Variants in ELL2 observed in about 807,000 individuals in gnomAD.
ELL2 encodes RNA polymerase II elongation factor ELL2.
In ELL2, 21 loss-of-function variants were observed where a neutral mutation model predicts 72.8. That is an observed-to-expected ratio of 0.29 (90% CI 0.20 to 0.42). The LOEUF (loss-of-function observed/expected upper bound fraction) is 0.42. Ranked by LOEUF, ELL2 falls within the 10% of genes least tolerant of loss-of-function variation. The probability of loss-of-function intolerance (pLI) is 1.00; values close to 1 mark genes in which losing one functional copy is unlikely to be tolerated. For missense variants in ELL2, 568 were observed against 772.8 expected (o/e 0.73, Z 3.14); for synonymous variants, 266 against 283.2 (o/e 0.94, Z 0.61).
In ELL2 at chr5:95,958,448, A is replaced by G. The variant is rs576141049; in HGVS notation, c.147+3127T>C. 1.1e-4 allele frequency among the ~76,000 whole-genome samples: 17 copies of G among 152,342 alleles called. No individual in the cohort carries two copies. In the South Asian group the frequency reaches 3.5e-3, roughly 32 times the overall value. ...GCACTGAGGACACACAGGTGGGTGGAGCCTGCAGTAAGTACCAACGGTACA... is the reference window on the plus strand; with the variant it reads ...GCACTGAGGACACACAGGTGGGTGGGGCCTGCAGTAAGTACCAACGGTACA... On this transcript the variant is annotated intron_variant, in intron 1 of 11. Coordinates refer to ENST00000237853, the MANE Select transcript of ELL2 (RefSeq NM_012081.6).
At chr5:95,892,608 G>A (rs1374727095) in intron 9 of ELL2, among the ~76,000 whole-genome samples, 1 of 152,176 alleles carries the variant, frequency 6.6e-6, no homozygotes, top group Non-Finnish European at 1.5e-5. Flanking sequence ...GCAGGTGGCA[G>A]GAGATTCAGG....
At chr5:95,901,213 A>G in intron 5 of ELL2, 133 bp from the exon 6 acceptor site, 1 of 904,054 alleles carries the variant, frequency 1.1e-6, no homozygotes, top group Non-Finnish European at 1.6e-6. Flanking sequence ...GTTTTGTATT[A>G]TATGCCAGAT....
intron 2 of ELL2, among the ~76,000 whole-genome samples, chr5:95,928,671 A>G (rs1448744061): frequency 6.6e-6 from 1 of 152,168 alleles, no homozygotes; most frequent in South Asian, 2.1e-4. Flanking sequence ...TTGGCTCAGT[A>G]TTACCTTTTG....
chr5:95,937,540 G>A (rs183405938), intron 2 of ELL2, among the ~76,000 whole-genome samples: 49 of 151,352 alleles, frequency 3.2e-4, no homozygotes, highest in African/African-American at 1.2e-3. Context: ...TGTTGTGTGT[G>A]TGTATATATA....
intron 2 of ELL2, among the ~76,000 whole-genome samples, chr5:95,922,103 G>A (rs144423345): frequency 0.034 from 5,048 of 150,556 alleles, 140 homozygotes; most frequent in Admixed American, 0.074. Flanking sequence ...TCTCTCTGTC[G>A]CCCAGGCTGG....
intron 8 of ELL2, 60 bp from the exon 9 acceptor site, chr5:95,895,751 G>A: frequency 7.8e-7 from 1 of 1,290,242 alleles, no homozygotes; most frequent in Non-Finnish European, 1.1e-6. Flanking sequence ...TCAAATGCCT[G>A]TAATTCTAAA....
chr5:95,894,779 C>A (rs561576574), intron 9 of ELL2, among the ~76,000 whole-genome samples: 54 of 152,266 alleles, frequency 3.5e-4, no homozygotes, highest in African/African-American at 1.3e-3. Context: ...GATCTTTACT[C>A]TGGAAATGAA....
chr5:95,906,521 A>G lies in ELL2; in HGVS notation c.741+2T>C. 6.2e-7 allele frequency: 1 copy of G among 1,608,418 alleles called. No homozygotes were observed. The highest frequency in any genetic ancestry group is 8.5e-7 in the Non-Finnish European group (1 of 1,175,536). The stretch of plus-strand genomic sequence containing the variant: ...GAAGGACCTCTCTCCAGCTGTCCTC[A>G]CCTGTTGCAGAATTGCTCCCAGGGA... On this transcript the variant is annotated splice_donor_variant, in intron 5 of 11. Transcript: ENST00000237853. LOFTEE classifies it high-confidence loss of function.
intron 8 of ELL2, among the ~76,000 whole-genome samples, chr5:95,895,930 C>A (rs893240277): frequency 6.6e-6 from 1 of 152,198 alleles, no homozygotes; most frequent in African/African-American, 2.4e-5. Flanking sequence ...AGTGTCTGCA[C>A]AATAAAGGAA....
At chr5:95,909,738 GACA>G (rs1323974811) in intron 4 of ELL2, among the ~76,000 whole-genome samples, 1 of 152,180 alleles carries the variant, frequency 6.6e-6, no homozygotes, top group Non-Finnish European at 1.5e-5. Context: ...GGTAGTCTGG[GACA>G]ACAACTAAAT....
intron 1 of ELL2, 54 bp from the exon 2 acceptor site, chr5:95,943,103 G>T: frequency 6.8e-7 from 1 of 1,462,422 alleles, no homozygotes. Flanking sequence ...CTGTGACATA[G>T]AACTAAATGT....
chr5:95,947,676 A>T (rs968407233), intron 1 of ELL2, among the ~76,000 whole-genome samples: 1 of 152,160 alleles, frequency 6.6e-6, no homozygotes, highest in African/African-American at 2.4e-5. Flanking sequence ...TCTGAATTCC[A>T]AATACAGTAC....
Position 95,927,400 on chromosome 5 carries a change from T to TGTGTATATATAGACAC in ELL2, c.196-7856_196-7855insGTGTCTATATATACAC, listed in dbSNP as rs1750341148. On this transcript the variant is annotated intron_variant, in intron 2 of 11. Coordinates refer to ENST00000237853, the MANE Select transcript of ELL2 (RefSeq NM_012081.6). ...ACACACACGTGTGTATATATAGACA[T>TGTGTATATATAGACAC]ACACACACGTGTGTATATAGACATA... 6.8e-5 allele frequency among the ~76,000 whole-genome samples: 2 copies of TGTGTATATATAGACAC among 29,462 alleles called. 1 individual carries two copies. The highest frequency in any genetic ancestry group is 1.1e-4 in the Non-Finnish European group (2 of 17,972). The allele number at this position is 29,462 out of a possible 152,430, so 19.3% of individuals were successfully genotyped here.
At chr5:95,904,375 G>A (rs533339421) in intron 5 of ELL2, among the ~76,000 whole-genome samples, 6 of 152,216 alleles carry the variant, frequency 3.9e-5, no homozygotes, top group African/African-American at 1.2e-4. Flanking sequence ...GTTTCTGATT[G>A]TTAAAATTTA....
At chr5:95,899,125 G>A (rs1189318086) in intron 7 of ELL2, among the ~76,000 whole-genome samples, 1 of 152,200 alleles carries the variant, frequency 6.6e-6, no homozygotes, top group African/African-American at 2.4e-5. Flanking sequence ...TTTACCCTAA[G>A]TTCCAAGAGA....
At chr5:95,929,486 T>C (rs765061121) in intron 2 of ELL2, among the ~76,000 whole-genome samples, 5 of 152,160 alleles carry the variant, frequency 3.3e-5, no homozygotes, top group Non-Finnish European at 7.4e-5. Flanking sequence ...CTCAAACTCC[T>C]GACCTCGTGA....
chr5:95,904,225 T>C (rs1749262069), intron 5 of ELL2, among the ~76,000 whole-genome samples: 1 of 152,186 alleles, frequency 6.6e-6, no homozygotes, highest in Non-Finnish European at 1.5e-5. Context: ...GGGTTTCTAT[T>C]GGGGTTACTT....
At chr5:95,930,847 T>C (rs1290489253) in intron 2 of ELL2, among the ~76,000 whole-genome samples, 1 of 152,154 alleles carries the variant, frequency 6.6e-6, no homozygotes, top group Non-Finnish European at 1.5e-5. Context: ...AATTAAATTG[T>C]AGTCAAATCT....
chr5:95,927,891 C>G (rs924630822), intron 2 of ELL2, among the ~76,000 whole-genome samples: 1 of 148,840 alleles, frequency 6.7e-6, no homozygotes, highest in Admixed American at 6.6e-5. Context: ...GTAAATGAAT[C>G]CATTAACTGG....
Sources: allele counts gnomAD v4.1 joint callset (sites outside exome capture counted in the v4.1 genomes callset), GRCh38; gene constraint gnomAD v4.1.1; transcripts MANE v1.5; gene names NCBI Gene and HGNC (gene_info 2026-07-23, HGNC 2026-07-21).